The following PLPP3 variants were observed in gnomAD, a reference collection of about 807,000 sequenced individuals.
PLPP3 encodes phospholipid phosphatase 3, also known as PAP2 beta.
Under a neutral mutation model 29.6 loss-of-function variants are expected in PLPP3, and 6 were observed. The observed-to-expected ratio is 0.20, with a 90% CI of 0.11 to 0.40. The LOEUF is 0.40. Ranked by LOEUF, PLPP3 falls within the 10% of genes least tolerant of loss-of-function variation. The pLI is 1.00. For synonymous variants in PLPP3, 152 were observed against 159.7 expected (o/e 0.95, Z 0.36); for missense variants, 308 against 407.7 (o/e 0.76, Z 2.11).
intron 5 of PLPP3, among the ~76,000 whole-genome samples, chr1:56,501,979 C>T (rs190571847): frequency 1.9e-4 from 29 of 152,278 alleles, no homozygotes; most frequent in African/African-American, 6.7e-4. Context: ...AAGATGCTTC[C>T]GATGTCTTAC....
In PLPP3 at chr1:56,578,995, T is replaced by G. The variant is rs1263723798; in HGVS notation, c.22A>C (p.Lys8Gln). ...TTCTTGCTCTCCGGGACGATCGCTTTGTCGTACTTGTAGTTTTGCATGGCG... is the reference window on the plus strand; with the variant it reads ...TTCTTGCTCTCCGGGACGATCGCTTGGTCGTACTTGTAGTTTTGCATGGCG... Reference protein sequence around the residue: MQNYKYDKAIVPESKNGG... With the variant: MQNYKYDQAIVPESKNGG... Residue 8 changes from lysine to glutamine, a missense_variant, in exon 1 of 6, where the codon AAA becomes CAA. Transcript: ENST00000371250. 11 of 1,601,216 alleles carry G rather than the reference T, an allele frequency of 6.9e-6. No homozygotes were observed. The highest frequency in any genetic ancestry group is 4.1e-5 in the African/African-American group (3 of 72,982).
chr1:56,559,574 C>A (rs989794280), intron 1 of PLPP3, among the ~76,000 whole-genome samples: 8 of 89,846 alleles, frequency 8.9e-5, no homozygotes, highest in Non-Finnish European at 1.3e-4. Context: ...TTTTTTTTTA[C>A]ACTAAGAATA....
At chr1:56,562,447 A>T (rs1646137108) in intron 1 of PLPP3, among the ~76,000 whole-genome samples, 1 of 152,218 alleles carries the variant, frequency 6.6e-6, no homozygotes, top group South Asian at 2.1e-4. Flanking sequence ...GGTAAATGAT[A>T]GCATGTGCCT....
intron 1 of PLPP3, among the ~76,000 whole-genome samples, chr1:56,551,344 A>T (rs563749844): frequency 8.2e-6 from 1 of 122,116 alleles, no homozygotes; most frequent in East Asian, 2.1e-4. Flanking sequence ...CAATTAGCAG[A>T]CCTAGATACA....
At chr1:56,563,232 C>A (rs991416080) in intron 1 of PLPP3, among the ~76,000 whole-genome samples, 22 of 152,186 alleles carry the variant, frequency 1.4e-4, no homozygotes, top group African/African-American at 5.3e-4. Flanking sequence ...CACAAAACTT[C>A]TTTTAGGAAA....
intron 4 of PLPP3, among the ~76,000 whole-genome samples, chr1:56,521,327 T>A (rs1322317527): frequency 6.6e-6 from 1 of 151,208 alleles, no homozygotes; most frequent in East Asian, 2.0e-4. Flanking sequence ...TAATATCACA[T>A]AAACACATGC....
Position 56,511,902 on chromosome 1 carries a change from T to A in PLPP3, c.810+74A>T, listed in dbSNP as rs1645743389. ...AGGAACGAGGGCTCTCTAGCTTTAG[T>A]CACTGAGCTGGAAACATTTAACAAG... On this transcript the variant is annotated intron_variant, in intron 5 of 5. Coordinates refer to ENST00000371250, the MANE Select transcript of PLPP3 (RefSeq NM_003713.5). The A allele has an allele frequency of 3.2e-6, 5 of 1,570,024 alleles. No individual in the cohort carries two copies. In the South Asian group the frequency reaches 4.5e-5, roughly 14 times the overall value.
At chr1:56,571,881 A>G (rs927606160) in intron 1 of PLPP3, among the ~76,000 whole-genome samples, 2 of 152,046 alleles carry the variant, frequency 1.3e-5, no homozygotes, top group Non-Finnish European at 2.9e-5. Context: ...GTTACTTAAC[A>G]TCTCTGAGCT....
intron 1 of PLPP3, among the ~76,000 whole-genome samples, chr1:56,557,008 A>G (rs200722117): frequency 0.13 from 1,848 of 13,708 alleles, 272 homozygotes; most frequent in East Asian, 0.27. Flanking sequence ...GAAAGAAAGA[A>G]AGAGAGAGAG....
chr1:56,499,305 G>C (rs1645650711), intron 5 of PLPP3, among the ~76,000 whole-genome samples: 1 of 152,062 alleles, frequency 6.6e-6, no homozygotes, highest in Non-Finnish European at 1.5e-5. Flanking sequence ...CTAATGATCT[G>C]GATACCAAAG....
chr1:56,555,088 C>G (rs995898711), intron 1 of PLPP3, among the ~76,000 whole-genome samples: 3 of 152,106 alleles, frequency 2.0e-5, no homozygotes, highest in Admixed American at 2.0e-4. Flanking sequence ...TGTAATTTGC[C>G]AAATGATACT....
At chr1:56,515,315 G>A (rs572195589) in intron 4 of PLPP3, among the ~76,000 whole-genome samples, 7 of 152,182 alleles carry the variant, frequency 4.6e-5, no homozygotes, top group South Asian at 4.2e-4. Flanking sequence ...AAAATCTGTA[G>A]GTCCTCGGAA....
intron 1 of PLPP3, among the ~76,000 whole-genome samples, chr1:56,541,704 A>G (rs1020024430): frequency 2.0e-5 from 3 of 152,108 alleles, no homozygotes; most frequent in South Asian, 2.1e-4. Flanking sequence ...CTTTCTATAA[A>G]GTAAGTGAGT....
chr1:56,503,238 G>GA (rs1173686379), intron 5 of PLPP3, among the ~76,000 whole-genome samples: 1 of 152,188 alleles, frequency 6.6e-6, no homozygotes, highest in African/African-American at 2.4e-5. Context: ...AGGTGGAAAA[G>GA]AGTGTGACAC....
At chr1:56,530,768 C>A (rs1249406380) in intron 2 of PLPP3, among the ~76,000 whole-genome samples, 2 of 126,144 alleles carry the variant, frequency 1.6e-5, no homozygotes, top group African/African-American at 6.2e-5. Context: ...AGGGTCTTCA[C>A]GATCTTGCCA....
At position 56,511,968 on chromosome 1, in the gene PLPP3, C is replaced by G. The variant is rs1299899488; in HGVS notation, c.810+8G>C. 6.2e-7 allele frequency: 1 copy of G among 1,613,366 alleles called. No individual in the cohort carries two copies. Among genetic ancestry groups the G allele is most frequent in the South Asian group, 1.1e-5 (1 of 90,954 alleles). On this transcript the variant is annotated splice_region_variant and intron_variant, in intron 5 of 5. Coordinates refer to ENST00000371250, the MANE Select transcript of PLPP3 (RefSeq NM_003713.5). ...CCACTTGCATATTGAGGACAAGATG[C>G]TACTTACTATGCAGCAGGCCACCAG...
intron 1 of PLPP3, among the ~76,000 whole-genome samples, chr1:56,574,021 G>A (rs777160720): frequency 1.3e-5 from 2 of 152,028 alleles, no homozygotes; most frequent in African/African-American, 2.4e-5. Context: ...CTAACATGGT[G>A]AAACCCTGTC....
At chr1:56,510,528 A>G (rs1248720432) in intron 5 of PLPP3, among the ~76,000 whole-genome samples, 3 of 152,140 alleles carry the variant, frequency 2.0e-5, no homozygotes, top group Non-Finnish European at 4.4e-5. Context: ...ACCCCTGCAC[A>G]TGGAGTCAGG....
intron 5 of PLPP3, among the ~76,000 whole-genome samples, chr1:56,502,122 G>A (rs1046776011): frequency 6.6e-6 from 1 of 152,176 alleles, no homozygotes; most frequent in Non-Finnish European, 1.5e-5. Context: ...AGGTAGCCAG[G>A]TTCCTCCTTT....
Sources: allele counts gnomAD v4.1 joint callset (sites outside exome capture counted in the v4.1 genomes callset), GRCh38; gene constraint gnomAD v4.1.1; transcripts MANE v1.5; gene names NCBI Gene and HGNC (gene_info 2026-07-23, HGNC 2026-07-21).